CLIP2: variants seen among roughly 807,000 people sequenced by gnomAD.
CLIP2 encodes the protein CAP-Gly domain containing linker protein 2.
CLIP2 carries 41 observed loss-of-function variants against 111.7 expected under a neutral mutation model. The observed-to-expected ratio is 0.37, with a 90% CI of 0.29 to 0.48. The LOEUF is 0.48. Among genes scored for constraint, CLIP2 ranks in the 20% least tolerant of loss-of-function variants. CLIP2 has a pLI of 0.99. For synonymous variants in CLIP2, 660 were observed against 644.2 expected (o/e 1.02, Z -0.37); for missense variants, 1,160 against 1,422.1 (o/e 0.82, Z 2.96).
chr7:74,400,448 C>T lies in CLIP2; in HGVS notation c.2959C>T (p.Gln987Ter). Residue 987 changes from glutamine to a stop codon, truncating the protein, a stop_gained, in exon 15 of 17, where the codon CAG (glutamine) becomes TAG (stop). Coordinates refer to ENST00000223398, the MANE Select transcript of CLIP2 (RefSeq NM_003388.5). LOFTEE classifies it high-confidence loss of function. ...RSSAPELLRL[Q>*]HQLMSTEDAL... ...CTCGGCGCCCGAGCTTCTGCGGCTG[C>T]AGCACCAGCTGATGAGCACGGAGGA... The T allele has an allele frequency of 6.2e-7, 1 of 1,614,078 alleles. No homozygotes were observed. Among genetic ancestry groups the T allele is most frequent in the Non-Finnish European group, 8.5e-7 (1 of 1,179,922 alleles).
intron 2 of CLIP2, among the ~76,000 whole-genome samples, chr7:74,329,439 G>A (rs189283562): frequency 2.6e-5 from 4 of 152,224 alleles, no homozygotes; most frequent in African/African-American, 9.6e-5. Flanking sequence ...CCCCTCCTTT[G>A]TGGTCACCGT....
At chr7:74,398,778 G>GCCC (rs1554317096) in intron 14 of CLIP2, among the ~76,000 whole-genome samples, 4 of 152,056 alleles carry the variant, frequency 2.6e-5, no homozygotes, top group African/African-American at 9.7e-5. Context: ...AGGGGTTGGT[G>GCCC]GCTGCACCCT....
Position 74,375,947 on chromosome 7 carries a change from C to T in CLIP2, c.1546C>T (p.Arg516Ter). ...LQLEEELTLR[R>*]GEIEELQQCL... is the part of the protein sequence containing the mutation. ...GCTGGAGGAGGAGCTCACCCTGCGC[C>T]GAGGTGAAATCGAGGAGCTCCAGCA... Residue 516 changes from arginine to a stop codon, truncating the protein, a stop_gained, in exon 10 of 17, where the codon CGA becomes TGA. Transcript: ENST00000223398. LOFTEE classifies it high-confidence loss of function. The T allele has an allele frequency of 6.2e-7, 1 of 1,603,828 alleles. No individual in the cohort carries two copies. The highest frequency in any genetic ancestry group is 8.5e-7 in the Non-Finnish European group (1 of 1,176,184).
intron 3 of CLIP2, among the ~76,000 whole-genome samples, chr7:74,353,192 T>C (rs1444798211): frequency 2.6e-5 from 4 of 151,582 alleles, no homozygotes; most frequent in Non-Finnish European, 5.9e-5. Flanking sequence ...GGGTTACCAT[T>C]TATTGAAGCT....
chr7:74,338,875 C>T lies in CLIP2; in HGVS notation c.549C>T (p.Arg183=). 1 of 1,607,540 alleles carries T rather than the reference C, an allele frequency of 6.2e-7. No homozygotes were observed. The highest frequency in any genetic ancestry group is 8.5e-7 in the Non-Finnish European group (1 of 1,179,912). Residue 183 remains arginine, a synonymous_variant, in exon 3 of 17, where the codon CGC becomes CGT. Transcript: ENST00000223398. This position sits in a 1 kb window ranked among gnomAD's most constrained non-coding sequence, Gnocchi z 4.3. The stretch of plus-strand genomic sequence containing the variant: ...CGGCCACGCCCCCGCTGACCAGCCG[C>T]GTCATCCCCCTGCGGGAGAGCGTCC... ...SGTATPPLTS[R]VIPLRESVLN...
intron 13 of CLIP2, among the ~76,000 whole-genome samples, chr7:74,395,064 G>A (rs886359698): frequency 1.3e-5 from 2 of 151,950 alleles, no homozygotes; most frequent in African/African-American, 2.4e-5. Context: ...CCTCATCCCC[G>A]TCTCCCTGCT....
chr7:74,302,058 C>T (rs532828522), intron 1 of CLIP2, among the ~76,000 whole-genome samples: 8 of 152,146 alleles, frequency 5.3e-5, no homozygotes, highest in Admixed American at 1.3e-4. Flanking sequence ...TTATTTTCAG[C>T]GTTGGACCTT....
At chr7:74,291,995 G>C (rs2116432626) in intron 1 of CLIP2, among the ~76,000 whole-genome samples, 1 of 148,858 alleles carries the variant, frequency 6.7e-6, no homozygotes, top group East Asian at 2.0e-4. Context: ...CGCGATCTTG[G>C]CTCACTGTAA....
chr7:74,392,350 CAAA>C (rs56386461), intron 13 of CLIP2, among the ~76,000 whole-genome samples: 8 of 127,192 alleles, frequency 6.3e-5, no homozygotes, highest in Admixed American at 2.5e-4. Context: ...GACTCCATCT[CAAA>C]AAAAAAAAAA....
At chr7:74,292,083 G>A (rs1358836453) in intron 1 of CLIP2, among the ~76,000 whole-genome samples, 3 of 152,072 alleles carry the variant, frequency 2.0e-5, no homozygotes, top group South Asian at 2.1e-4. Context: ...CACCATGTCC[G>A]GCTAATTTTA....
intron 3 of CLIP2, among the ~76,000 whole-genome samples, chr7:74,346,018 G>C (rs781318199): frequency 3.0e-4 from 45 of 152,126 alleles, no homozygotes; most frequent in Admixed American, 8.5e-4. Context: ...TTGCTGTGTT[G>C]TCCAGGCTGG....
chr7:74,388,454 C>T (rs548256477), intron 12 of CLIP2, among the ~76,000 whole-genome samples: 46 of 150,176 alleles, frequency 3.1e-4, no homozygotes, highest in Admixed American at 9.3e-4. Flanking sequence ...GAGCTGAGAA[C>T]ATGCCATTGC....
chr7:74,290,566 A>AATCACCCACCCAGCAGTGT (rs1787987588), intron 1 of CLIP2, among the ~76,000 whole-genome samples: 1 of 152,110 alleles, frequency 6.6e-6, no homozygotes, highest in African/African-American at 2.4e-5. Flanking sequence ...CTTGGGGGGA[A>AATCACCCACCCAGCAGTGT]ATCACCCACC....
chr7:74,364,932 G>A (rs1554310522), intron 8 of CLIP2: 3 of 451,508 alleles, frequency 6.6e-6, no homozygotes, highest in Admixed American at 2.4e-5. Context: ...GCTGAGGCTA[G>A]AGGATCGCTT....
chr7:74,387,096 G>A (rs1190481023), intron 12 of CLIP2, among the ~76,000 whole-genome samples: 2 of 151,508 alleles, frequency 1.3e-5, no homozygotes, highest in African/African-American at 4.8e-5. Context: ...GGAGCAGTGA[G>A]TGGCCCACAT....
chr7:74,305,428 G>T (rs1788449836), intron 1 of CLIP2, among the ~76,000 whole-genome samples: 3 of 152,058 alleles, frequency 2.0e-5, no homozygotes, highest in Admixed American at 2.0e-4. Flanking sequence ...CTCTGCTGCA[G>T]CCCCTACCTC....
intron 1 of CLIP2, among the ~76,000 whole-genome samples, chr7:74,314,009 C>T (rs574934724): frequency 1.3e-5 from 2 of 152,068 alleles, no homozygotes; most frequent in South Asian, 4.2e-4. Context: ...ATGGCAGAAA[C>T]CCCCTCTCTA....
chr7:74,305,854 A>ACCCC, intron 1 of CLIP2, among the ~76,000 whole-genome samples: 1 of 54,514 alleles, frequency 1.8e-5, no homozygotes, highest in Admixed American at 1.9e-4. Flanking sequence ...CCTGCACCCC[A>ACCCC]ACCCCCCCCC....
At position 74,338,836 on chromosome 7, in the gene CLIP2, A is replaced by G. The variant is rs1789561641; in HGVS notation, c.510A>G (p.Ser170=). Residue 170 remains serine, a synonymous_variant, in exon 3 of 17, where the codon TCA becomes TCG. Coordinates refer to ENST00000223398, the MANE Select transcript of CLIP2 (RefSeq NM_003388.5). This position sits in a 1 kb window ranked among gnomAD's most constrained non-coding sequence, Gnocchi z 4.3. ...AGTCGCTGACTGCCCAGAACCTGTCATTGCATTCGGGCACGGCCACGCCCC... is the reference window on the plus strand; with the variant it reads ...AGTCGCTGACTGCCCAGAACCTGTCGTTGCATTCGGGCACGGCCACGCCCC... ...SVESLTAQNL[S]LHSGTATPPL... is the part of the protein sequence containing the mutation. 1 of 1,610,832 alleles carries G rather than the reference A, an allele frequency of 6.2e-7. No homozygotes were observed. Among genetic ancestry groups the G allele is most frequent in the Non-Finnish European group, 8.5e-7 (1 of 1,179,876 alleles).
Sources: allele counts gnomAD v4.1 joint callset (sites outside exome capture counted in the v4.1 genomes callset), GRCh38; gene constraint gnomAD v4.1.1; non-coding constraint Gnocchi (gnomAD v3.1); transcripts MANE v1.5; gene names NCBI Gene and HGNC (gene_info 2026-07-23, HGNC 2026-07-21).